The following NUP210L variants were observed in gnomAD, a reference collection of about 807,000 sequenced individuals.
NUP210L encodes nuclear pore membrane glycoprotein 210-like.
Under a neutral mutation model 208.5 loss-of-function variants are expected in NUP210L, and 74 were observed. The observed-to-expected ratio is 0.35, with a 90% confidence interval of 0.29 to 0.43. The LOEUF (loss-of-function observed/expected upper bound fraction) is 0.43. Ranked by LOEUF, NUP210L falls within the 20% of genes least tolerant of loss-of-function variation. The pLI, the probability that NUP210L is intolerant of heterozygous loss-of-function variation, is 1.00. For missense variants in NUP210L, 1,843 were observed against 2,289.4 expected (o/e 0.81, Z 3.98); for synonymous variants, 780 against 816.9 (o/e 0.95, Z 0.77).
At chr1:154,075,173 T>C (rs544982146) in intron 16 of NUP210L, among the ~76,000 whole-genome samples, 51 of 152,340 alleles carry the variant, frequency 3.3e-4, no homozygotes, top group Admixed American at 3.3e-3. Flanking sequence ...GAAACCCAGA[T>C]GTTTGTACAT....
chr1:154,137,424 C>T (rs1658603746), intron 6 of NUP210L, among the ~76,000 whole-genome samples: 1 of 151,926 alleles, frequency 6.6e-6, no homozygotes, highest in Non-Finnish European at 1.5e-5. Context: ...TGGTGGTGCA[C>T]ACCTGTAATC....
chr1:154,047,039 C>T (rs1403710813), intron 25 of NUP210L, among the ~76,000 whole-genome samples: 1 of 151,990 alleles, frequency 6.6e-6, no homozygotes, highest in African/African-American at 2.4e-5. Flanking sequence ...GCCTGGGCAA[C>T]AAGAGCGAAA....
Position 154,059,200 on chromosome 1 carries a change from C to T in NUP210L, c.2851-507G>A, listed in dbSNP as rs1271406806. On this transcript the variant is annotated intron_variant, in intron 20 of 39. Transcript: ENST00000368559. The stretch of plus-strand genomic sequence containing the variant: ...AAACAAAACAAAAATTAGCTGGGCA[C>T]GGTGGTCCGTGCCTGTAGTCCCAGT... 4.0e-5 allele frequency among the ~76,000 whole-genome samples: 6 copies of T among 151,892 alleles called. No individual in the cohort carries two copies. The South Asian group carries it at 1.0e-3, about 26-fold the overall frequency.
intron 12 of NUP210L, among the ~76,000 whole-genome samples, chr1:154,106,719 G>A (rs1319595308): frequency 2.6e-5 from 4 of 152,190 alleles, no homozygotes; most frequent in Admixed American, 6.6e-5. Context: ...AGTCTGCCTG[G>A]TAATCCAGGG....
In NUP210L at chr1:154,126,307, T is replaced by A. The variant is rs1160775886; in HGVS notation, c.1326+16A>T. 6.2e-7 allele frequency: 1 copy of A among 1,603,876 alleles called. No individual in the cohort carries two copies. Among genetic ancestry groups the A allele is most frequent in the South Asian group, 1.1e-5 (1 of 89,264 alleles). ...CAGTGTTCTTAGAATACAAACACTG[T>A]CTGTTTAATTCCTACCTGGTAAATG... On this transcript the variant is annotated intron_variant, in intron 10 of 39. Transcript: ENST00000368559.
chr1:154,093,868 C>G (rs749271838), intron 15 of NUP210L, among the ~76,000 whole-genome samples: 1 of 151,926 alleles, frequency 6.6e-6, no homozygotes, highest in Non-Finnish European at 1.5e-5. Flanking sequence ...AATTAAAACT[C>G]AGCTGGGTGT....
At chr1:154,070,341 T>A (rs767802886) in exon 17 of NUP210L, 2 of 1,613,396 alleles carry the variant, frequency 1.2e-6, no homozygotes, top group Non-Finnish European at 1.7e-6. Flanking sequence ...ATCTTCGAAA[T>A]GGGCTAGTGT....
At chr1:153,993,342 G>A (rs1016216569) in intron 38 of NUP210L, among the ~76,000 whole-genome samples, 5 of 151,136 alleles carry the variant, frequency 3.3e-5, no homozygotes, top group Non-Finnish European at 5.9e-5. Context: ...TGAGGTGGGC[G>A]GATCACGAGG....
intron 35 of NUP210L, among the ~76,000 whole-genome samples, chr1:154,006,817 CATATATATATATATATATATATATGT>C (rs1311508949): frequency 2.6e-5 from 3 of 114,688 alleles, no homozygotes; most frequent in Non-Finnish European, 3.6e-5. Context: ...CTTACCATGC[CATATATATATATATATATATATATGT>C]ATATATATAA....
At chr1:154,127,113 A>G (rs928668855) in intron 9 of NUP210L, among the ~76,000 whole-genome samples, 198 bp downstream of exon 9, 6 of 151,620 alleles carry the variant, frequency 4.0e-5, no homozygotes, top group Non-Finnish European at 8.8e-5. Context: ...CTCTTTAAAA[A>G]AAAAAAAAAA....
rs894885312 is a variant in NUP210L, at chr1:154,065,413, C to T, written c.2555-3739G>A. Among the ~76,000 whole-genome samples the T allele has an allele frequency of 6.6e-5, 10 of 152,094 alleles. No individual in the cohort carries two copies. In the South Asian group the frequency reaches 8.3e-4, roughly 13 times the overall value. On this transcript the variant is annotated intron_variant, in intron 17 of 39. Transcript: ENST00000368559. ...TCCAGCCTGGGAGACAGAATAATAT[C>T]CTGTCTCTAAAGAAAAAGAAATATA...
At chr1:154,106,497 G>A (rs565676354) in intron 12 of NUP210L, among the ~76,000 whole-genome samples, 4 of 152,276 alleles carry the variant, frequency 2.6e-5, no homozygotes, top group African/African-American at 9.6e-5. Context: ...TACAGTCCTT[G>A]GGCCTTGAGT....
intron 12 of NUP210L, among the ~76,000 whole-genome samples, chr1:154,113,167 A>ATATATAT (rs35579455): frequency 2.8e-5 from 4 of 144,538 alleles, no homozygotes; most frequent in Non-Finnish European, 3.0e-5. Context: ...TAAAAAAAAA[A>ATATATAT]ATATATATAT....
chr1:154,095,020 A>T (rs1557972849), exon 15 of NUP210L: 2 of 1,614,028 alleles, frequency 1.2e-6, no homozygotes, highest in Non-Finnish European at 1.7e-6. Flanking sequence ...TGCTATTCCA[A>T]TCTTCTCTGT....
At chr1:154,122,901 A>G (rs1168115563) in intron 10 of NUP210L, among the ~76,000 whole-genome samples, 1 of 151,684 alleles carries the variant, frequency 6.6e-6, no homozygotes, top group Non-Finnish European at 1.5e-5. Flanking sequence ...CTACAAAAAA[A>G]TTAGCTGGGA....
At chr1:154,151,545 G>A (rs530137619) in intron 2 of NUP210L, among the ~76,000 whole-genome samples, 65 of 152,268 alleles carry the variant, frequency 4.3e-4, no homozygotes, top group African/African-American at 1.5e-3. Flanking sequence ...TGGGGGAAAA[G>A]TGATGACTCA....
At chr1:154,055,143 CTTTCTTTCTTTCTT>C (rs1486881906) in intron 23 of NUP210L, among the ~76,000 whole-genome samples, 1 of 104,310 alleles carries the variant, frequency 9.6e-6, no homozygotes, top group Non-Finnish European at 1.9e-5. Flanking sequence ...TTCTTTCTTT[CTTTCTTTCTTTCTT>C]TCTTTCTTTC....
chr1:154,040,995 C>T (rs1652844200), intron 27 of NUP210L, among the ~76,000 whole-genome samples: 1 of 152,108 alleles, frequency 6.6e-6, no homozygotes, highest in African/African-American at 2.4e-5. Context: ...GACAGGGTCT[C>T]ACTTTGTCTT....
chr1:154,099,606 G>A (rs1240974111), intron 14 of NUP210L, among the ~76,000 whole-genome samples: 1 of 152,100 alleles, frequency 6.6e-6, no homozygotes, highest in African/African-American at 2.4e-5. Context: ...ATCTTTCAGG[G>A]TTCTTCAAAA....
Sources: allele counts gnomAD v4.1 joint callset (sites outside exome capture counted in the v4.1 genomes callset), GRCh38; gene constraint gnomAD v4.1.1; transcripts MANE v1.5; gene names NCBI Gene and HGNC (gene_info 2026-07-23, HGNC 2026-07-21).